CNTNAP2: variants seen among roughly 807,000 people sequenced by gnomAD.
The protein encoded by CNTNAP2 is contactin-associated protein-like 2.
Under a neutral mutation model 155.2 loss-of-function variants are expected in CNTNAP2, and 98 were observed. That is an observed-to-expected ratio of 0.63 (90% CI 0.54 to 0.75). The LOEUF is 0.75. Among genes scored for constraint, CNTNAP2 ranks in the 30% least tolerant of loss-of-function variants. The pLI is 0.00. For missense variants in CNTNAP2, 1,727 were observed against 1,688.1 expected (o/e 1.02, Z -0.40); for synonymous variants, 651 against 631.2 (o/e 1.03, Z -0.47).
At position 146,952,213 on chromosome 7, in the gene CNTNAP2, C is replaced by T. The variant is rs117394419; in HGVS notation, c.403-91694C>T. 4.6e-3 allele frequency among the ~76,000 whole-genome samples: 702 copies of T among 152,012 alleles called. 2 individuals carry two copies. The highest frequency in any genetic ancestry group is 9.2e-3 in the Admixed American group (141 of 15,248). On this transcript the variant is annotated intron_variant, in intron 3 of 23. Transcript: ENST00000361727. Reference sequence around the variant, plus strand: ...TCTCAATAGATGCTGAAAAGGCCTTCGATAAAATTTAACACCTCTTCATGC... The same window carrying T: ...TCTCAATAGATGCTGAAAAGGCCTTTGATAAAATTTAACACCTCTTCATGC...
chr7:148,247,499 C>A (rs866224621), intron 20 of CNTNAP2, among the ~76,000 whole-genome samples: 2 of 152,116 alleles, frequency 1.3e-5, no homozygotes, highest in Admixed American at 6.5e-5. Flanking sequence ...ACAAAAATTT[C>A]TCCTGAGACC....
chr7:147,913,384 C>T (rs1800101691), intron 14 of CNTNAP2, among the ~76,000 whole-genome samples: 1 of 152,172 alleles, frequency 6.6e-6, no homozygotes. Flanking sequence ...AGTGATCTCT[C>T]AGGAAATAGA....
At chr7:146,858,598 A>T (rs1326938597) in intron 3 of CNTNAP2, among the ~76,000 whole-genome samples, 1 of 152,052 alleles carries the variant, frequency 6.6e-6, no homozygotes, top group East Asian at 1.9e-4. Context: ...TGAGGCTGAG[A>T]TGGGAGGATC....
intron 8 of CNTNAP2, among the ~76,000 whole-genome samples, chr7:147,148,905 C>T (rs183056309): frequency 4.9e-4 from 74 of 152,288 alleles, no homozygotes; most frequent in African/African-American, 1.7e-3. Context: ...GGAATGAAGC[C>T]GCAGACCCTT....
intron 9 of CNTNAP2, among the ~76,000 whole-genome samples, chr7:147,374,620 A>T (rs925023396): frequency 3.3e-5 from 5 of 152,008 alleles, no homozygotes; most frequent in East Asian, 3.9e-4. Context: ...TTATTAAATG[A>T]TTTGTGACAT....
intron 21 of CNTNAP2, among the ~76,000 whole-genome samples, chr7:148,280,314 T>C (rs1796950249): frequency 6.6e-6 from 1 of 151,840 alleles, no homozygotes; most frequent in African/African-American, 2.4e-5. Flanking sequence ...ATCTCAAAAA[T>C]TTAAAAATAA....
At chr7:147,933,078 TTTGTTTG>T in intron 14 of CNTNAP2, among the ~76,000 whole-genome samples, 1 of 147,158 alleles carries the variant, frequency 6.8e-6, no homozygotes, top group Non-Finnish European at 1.5e-5. Flanking sequence ...TGTTTGTTTG[TTTGTTTG>T]TTTGTTTGTT....
At chr7:146,455,843 G>A (rs756753748) in intron 1 of CNTNAP2, among the ~76,000 whole-genome samples, 4 of 152,000 alleles carry the variant, frequency 2.6e-5, no homozygotes, top group African/African-American at 2.4e-5. Flanking sequence ...TTTTATTAAC[G>A]AAAACTGCCA....
chr7:148,046,096 T>G (rs924428253), intron 15 of CNTNAP2, among the ~76,000 whole-genome samples: 2 of 152,192 alleles, frequency 1.3e-5, no homozygotes, highest in Non-Finnish European at 2.9e-5. Flanking sequence ...TTTGTTTTTG[T>G]TTGAGGCAGG....
chr7:146,940,083 A>T (rs553000546), intron 3 of CNTNAP2, among the ~76,000 whole-genome samples: 1 of 152,316 alleles, frequency 6.6e-6, no homozygotes, highest in South Asian at 2.1e-4. Flanking sequence ...GGCAGAACTT[A>T]TTGCCATAGA....
chr7:148,050,333 C>G (rs1203316288), intron 15 of CNTNAP2, among the ~76,000 whole-genome samples: 1 of 152,084 alleles, frequency 6.6e-6, no homozygotes, highest in Non-Finnish European at 1.5e-5. Flanking sequence ...TATTCCTGAC[C>G]CTGTTAGGCC....
chr7:147,621,981 A>G (rs183767287), intron 12 of CNTNAP2, among the ~76,000 whole-genome samples: 2 of 152,186 alleles, frequency 1.3e-5, no homozygotes, highest in African/African-American at 4.8e-5. Flanking sequence ...GAAAAAGAGT[A>G]GCTACACTTA....
chr7:148,035,023 G>A (rs1322340204), intron 15 of CNTNAP2, among the ~76,000 whole-genome samples: 2 of 152,154 alleles, frequency 1.3e-5, no homozygotes, highest in South Asian at 4.1e-4. Flanking sequence ...TAATGGACTC[G>A]GATATCTGGT....
At chr7:147,955,501 A>T (rs1275768088) in intron 14 of CNTNAP2, among the ~76,000 whole-genome samples, 1 of 152,208 alleles carries the variant, frequency 6.6e-6, no homozygotes, top group African/African-American at 2.4e-5. Flanking sequence ...TCTTAATATT[A>T]TTATGAAAAT....
At chr7:147,516,160 A>G (rs1398682011) in intron 11 of CNTNAP2, among the ~76,000 whole-genome samples, 1 of 152,214 alleles carries the variant, frequency 6.6e-6, no homozygotes, top group Non-Finnish European at 1.5e-5. Context: ...AACTCTTATA[A>G]TGTGATTGCC....
At chr7:146,156,133 A>G (rs1437348456) in intron 1 of CNTNAP2, among the ~76,000 whole-genome samples, 2 of 152,202 alleles carry the variant, frequency 1.3e-5, no homozygotes, top group African/African-American at 4.8e-5. Context: ...TTTAATTAAA[A>G]CCTGAAGTGG....
intron 1 of CNTNAP2, among the ~76,000 whole-genome samples, chr7:146,288,710 G>A (rs1217246680): frequency 4.7e-5 from 7 of 148,006 alleles, no homozygotes; most frequent in African/African-American, 1.7e-4. Flanking sequence ...AATTACTACT[G>A]TATTTTACAG....
chr7:146,568,944 G>C (rs1054609729), intron 1 of CNTNAP2, among the ~76,000 whole-genome samples: 2 of 151,500 alleles, frequency 1.3e-5, no homozygotes, highest in East Asian at 3.9e-4. Context: ...CCAAAGTCAC[G>C]CAAATCACAA....
chr7:146,401,681 G>T lies in CNTNAP2; in HGVS notation c.97+284708G>T, dbSNP rs145377300. 3.6e-3 allele frequency among the ~76,000 whole-genome samples: 544 copies of T among 152,170 alleles called. 5 individuals carry two copies. The highest frequency in any genetic ancestry group is 0.013 in the African/African-American group (527 of 41,524). ...CTGGTGAATAATTTACATCTGCCTC[G>T]TGTGTTTTGCATTTTCCTTTGGCTT... On this transcript the variant is annotated intron_variant, in intron 1 of 23. Coordinates refer to ENST00000361727, the MANE Select transcript of CNTNAP2 (RefSeq NM_014141.6).
Sources: allele counts gnomAD v4.1 joint callset (sites outside exome capture counted in the v4.1 genomes callset), GRCh38; gene constraint gnomAD v4.1.1; transcripts MANE v1.5; gene names NCBI Gene and HGNC (gene_info 2026-07-23, HGNC 2026-07-21).